Variants in PRKD1 observed in about 807,000 individuals in gnomAD.
PRKD1 encodes the protein serine/threonine-protein kinase D1.
A neutral mutation model predicts 95.9 loss-of-function variants in PRKD1; 63 were observed. The ratio of observed to expected loss-of-function variants is 0.66; its 90% CI spans 0.54 to 0.81. The LOEUF (loss-of-function observed/expected upper bound fraction) is 0.81. PRKD1 is among the 30% of genes least tolerant of loss of function. The pLI is 0.00. For missense variants in PRKD1, 1,048 were observed against 1,165.3 expected (o/e 0.90, Z 1.47); for synonymous variants, 425 against 423.1 (o/e 1.00, Z -0.05).
chr14:29,902,754 C>T (rs1316649275), intron 1 of PRKD1, among the ~76,000 whole-genome samples: 2 of 151,850 alleles, frequency 1.3e-5, no homozygotes, highest in African/African-American at 4.8e-5. Flanking sequence ...ATTAGTAGTT[C>T]GTTATTTAAA....
chr14:29,841,878 G>T (rs1208000712), intron 1 of PRKD1, among the ~76,000 whole-genome samples: 1 of 151,608 alleles, frequency 6.6e-6, no homozygotes, highest in Non-Finnish European at 1.5e-5. Context: ...ACATTGTGCA[G>T]CTGTACCCCA....
chr14:29,860,070 G>C (rs1241626408), intron 1 of PRKD1, among the ~76,000 whole-genome samples: 1 of 152,192 alleles, frequency 6.6e-6, no homozygotes, highest in Non-Finnish European at 1.5e-5. Flanking sequence ...AAGGGCAAAA[G>C]GTTGCAAGGC....
chr14:29,671,724 C>A (rs1429280750), intron 2 of PRKD1, among the ~76,000 whole-genome samples: 1 of 152,014 alleles, frequency 6.6e-6, no homozygotes, highest in African/African-American at 2.4e-5. Context: ...TACTTAAAAG[C>A]TTATTTTTAA....
At chr14:29,641,494 T>C (rs1284349404) in intron 4 of PRKD1, among the ~76,000 whole-genome samples, 1 of 152,142 alleles carries the variant, frequency 6.6e-6, no homozygotes, top group African/African-American at 2.4e-5. Flanking sequence ...ACTGTTTGAG[T>C]TGTTTAATTG....
chr14:29,866,285 C>T (rs1313129414), intron 1 of PRKD1, among the ~76,000 whole-genome samples: 2 of 152,018 alleles, frequency 1.3e-5, no homozygotes, highest in Non-Finnish European at 2.9e-5. Flanking sequence ...ACAGGCACTA[C>T]AATCATTTTA....
At chr14:29,686,058 T>A (rs1203749561) in intron 2 of PRKD1, among the ~76,000 whole-genome samples, 1 of 152,206 alleles carries the variant, frequency 6.6e-6, no homozygotes, top group Non-Finnish European at 1.5e-5. Flanking sequence ...TGGATTTAGT[T>A]TGCACAATTC....
At chr14:29,664,404 G>A (rs1430843091) in intron 3 of PRKD1, among the ~76,000 whole-genome samples, 3 of 152,160 alleles carry the variant, frequency 2.0e-5, no homozygotes, top group African/African-American at 4.8e-5. Context: ...CATGGTAGGT[G>A]ATCAATAATT....
intron 16 of PRKD1, among the ~76,000 whole-genome samples, chr14:29,579,919 G>A (rs778775376): frequency 8.5e-5 from 13 of 152,216 alleles, no homozygotes; most frequent in Admixed American, 3.3e-4. Flanking sequence ...TGTGAACTGC[G>A]TATAGGGCAT....
intron 1 of PRKD1, among the ~76,000 whole-genome samples, chr14:29,748,403 G>T (rs1887328856): frequency 6.6e-6 from 1 of 152,160 alleles, no homozygotes; most frequent in Non-Finnish European, 1.5e-5. Context: ...AATTGCAGAT[G>T]AAGCATAAAC....
chr14:29,718,159 C>G (rs11851263), intron 2 of PRKD1, among the ~76,000 whole-genome samples: 2 of 151,996 alleles, frequency 1.3e-5, no homozygotes, highest in African/African-American at 4.8e-5. Context: ...GGTTAGGCTT[C>G]GTGTCCCCAC....
At chr14:29,870,991 T>G (rs112126047) in intron 1 of PRKD1, among the ~76,000 whole-genome samples, 264 of 152,368 alleles carry the variant, frequency 1.7e-3, no homozygotes, top group African/African-American at 5.9e-3. Flanking sequence ...CTACCTTTGC[T>G]ATTTCACAAA....
Position 29,630,901 on chromosome 14 carries a change from C to T in PRKD1, c.1513G>A (p.Glu505Lys). The T allele has an allele frequency of 6.2e-7, 1 of 1,614,120 alleles. No homozygotes were observed. Among genetic ancestry groups the T allele is most frequent in the Non-Finnish European group, 8.5e-7 (1 of 1,180,006 alleles). The change falls in exon 10 of 18, where the codon GAA (glutamate) becomes AAA (lysine). Residue 505 changes from glutamate to lysine, a missense_variant. Glu to Lys is a moderately conservative substitution (Grantham distance 56, BLOSUM62 1). Around this residue, in one of 3 missense-constraint regions of PRKD1, gnomAD observed 739 missense variants for 861.9 expected, o/e 0.86. Coordinates refer to ENST00000331968, the MANE Select transcript of PRKD1 (RefSeq NM_002742.3). ...TTANVVYYVGENVVNPSSPSP... is the reference protein window; with the variant it reads ...TTANVVYYVGKNVVNPSSPSP... ...GGGCTGGAAGGATTGACCACATTTT[C>T]TCCCACATAATACACTACATTTGCC...
At chr14:29,810,122 T>A (rs974865775) in intron 1 of PRKD1, among the ~76,000 whole-genome samples, 3 of 152,290 alleles carry the variant, frequency 2.0e-5, no homozygotes, top group African/African-American at 7.2e-5. Flanking sequence ...CAATTTTTGG[T>A]ATATCAAAAC....
At chr14:29,896,365 T>C (rs1020022596) in intron 1 of PRKD1, among the ~76,000 whole-genome samples, 4 of 147,946 alleles carry the variant, frequency 2.7e-5, no homozygotes, top group Non-Finnish European at 5.9e-5. Context: ...CATGTGTGTG[T>C]ACACACACAC....
intron 16 of PRKD1, among the ~76,000 whole-genome samples, chr14:29,594,985 T>A (rs1255293114): frequency 1.4e-5 from 2 of 138,642 alleles, no homozygotes; most frequent in African/African-American, 5.8e-5. Flanking sequence ...CATCAGCAGC[T>A]AGGTAACTTT....
intron 16 of PRKD1, 78 bp from the exon 17 acceptor site, chr14:29,578,438 G>T: frequency 9.9e-7 from 1 of 1,014,208 alleles, no homozygotes; most frequent in Non-Finnish European, 1.4e-6. Flanking sequence ...TTTCACATCT[G>T]CTATTTCACA....
chr14:29,849,781 AATATAG>A (rs1019733880), intron 1 of PRKD1, among the ~76,000 whole-genome samples: 22 of 152,164 alleles, frequency 1.4e-4, no homozygotes, highest in Non-Finnish European at 3.2e-4. Flanking sequence ...ATCCCTGATG[AATATAG>A]ATATAAAAAT....
intron 1 of PRKD1, among the ~76,000 whole-genome samples, chr14:29,835,151 T>C (rs1416287967): frequency 1.6e-5 from 2 of 127,648 alleles, no homozygotes; most frequent in Non-Finnish European, 3.1e-5. Flanking sequence ...GTGAATGCTG[T>C]TCATATACTG....
At chr14:29,639,624 AAAAT>A (rs1387249358) in intron 4 of PRKD1, among the ~76,000 whole-genome samples, 1 of 151,478 alleles carries the variant, frequency 6.6e-6, no homozygotes, top group Non-Finnish European at 1.5e-5. Context: ...CATCTCAAAA[AAAAT>A]AAATAAATAA....
Sources: allele counts gnomAD v4.1 joint callset (sites outside exome capture counted in the v4.1 genomes callset), GRCh38; gene constraint gnomAD v4.1.1; regional missense constraint gnomAD v4.1.1; transcripts MANE v1.5; gene names NCBI Gene and HGNC (gene_info 2026-07-23, HGNC 2026-07-21).